CLSTN2: variants seen among roughly 807,000 people sequenced by gnomAD.
The protein encoded by CLSTN2 is calsyntenin-2.
In CLSTN2, 48 loss-of-function variants were observed where a neutral mutation model predicts 101.2. That is an observed-to-expected ratio of 0.47 (90% CI 0.38 to 0.60). The LOEUF is 0.60. Among genes scored for constraint, CLSTN2 ranks in the 20% least tolerant of loss-of-function variants. The pLI is 0.00. For missense variants in CLSTN2, 1,160 were observed against 1,238.2 expected (o/e 0.94, Z 0.95); for synonymous variants, 481 against 463.6 (o/e 1.04, Z -0.48).
intron 2 of CLSTN2, among the ~76,000 whole-genome samples, chr3:140,228,509 C>T (rs1440924704): frequency 6.6e-6 from 1 of 152,206 alleles, no homozygotes; most frequent in Non-Finnish European, 1.5e-5. Context: ...ACTGTTTCAA[C>T]CTCTGCATGT....
At chr3:139,953,728 C>G (rs1167051900) in intron 1 of CLSTN2, among the ~76,000 whole-genome samples, 1 of 152,150 alleles carries the variant, frequency 6.6e-6, no homozygotes, top group Non-Finnish European at 1.5e-5. Flanking sequence ...GATTAAGCTC[C>G]AGTTTTGCCC....
rs1370229338 is a variant in CLSTN2, at chr3:140,240,134, T to TTCTCTCTCTCTCTCTCTCTC, written c.232+64078_232+64079insCTCTCTCTCTCTCTCTCTCT. 1.9e-4 allele frequency among the ~76,000 whole-genome samples: 4 copies of TTCTCTCTCTCTCTCTCTCTC among 20,528 alleles called. 2 individuals are homozygous for TTCTCTCTCTCTCTCTCTCTC. Among genetic ancestry groups the TTCTCTCTCTCTCTCTCTCTC allele is most frequent in the East Asian group, 7.2e-3 (2 of 276 alleles). 13.5% of individuals were successfully genotyped at this position (20,528 alleles called of 152,430 possible). A position where few individuals can be genotyped will look rare whatever the true frequency, so the allele number is the denominator to read the frequency against. On this transcript the variant is annotated intron_variant, in intron 2 of 16. Transcript: ENST00000458420. The stretch of plus-strand genomic sequence containing the variant: ...AAGCTATACCTTAATTGCACCTGGT[T>TTCTCTCTCTCTCTCTCTCTC]TCTCTCTCTCTCTCTCTGTCTCTCT...
chr3:140,512,543 A>G (rs1187768169), intron 8 of CLSTN2, among the ~76,000 whole-genome samples: 2 of 152,170 alleles, frequency 1.3e-5, no homozygotes, highest in African/African-American at 2.4e-5. Flanking sequence ...TTGAAGTCAG[A>G]TAGTGTGATG....
intron 1 of CLSTN2, among the ~76,000 whole-genome samples, chr3:140,075,990 A>T (rs982788683): frequency 6.6e-6 from 1 of 152,158 alleles, no homozygotes; most frequent in Non-Finnish European, 1.5e-5. Flanking sequence ...TGTGCAATAC[A>T]GTATTGTTAA....
At chr3:140,433,433 T>A (rs1206803402) in intron 5 of CLSTN2, among the ~76,000 whole-genome samples, 1 of 152,228 alleles carries the variant, frequency 6.6e-6, no homozygotes, top group Non-Finnish European at 1.5e-5. Context: ...CCCCACATGC[T>A]ACCTCATCTC....
intron 2 of CLSTN2, among the ~76,000 whole-genome samples, chr3:140,219,731 T>G (rs1269570728): frequency 6.6e-6 from 1 of 152,140 alleles, no homozygotes; most frequent in Non-Finnish European, 1.5e-5. Flanking sequence ...CTTAGCAAGG[T>G]AAGTCCCCAA....
intron 2 of CLSTN2, among the ~76,000 whole-genome samples, chr3:140,362,550 C>T (rs748452976): frequency 4.5e-4 from 68 of 152,036 alleles, no homozygotes; most frequent in Non-Finnish European, 7.5e-4. Flanking sequence ...GAGAAAAAAA[C>T]GTACAAATCA....
At chr3:140,215,518 A>C (rs553076691) in intron 2 of CLSTN2, among the ~76,000 whole-genome samples, 1 of 152,340 alleles carries the variant, frequency 6.6e-6, no homozygotes, top group African/African-American at 2.4e-5. Context: ...GTTGGAAATG[A>C]ATGAGAATTC....
chr3:140,519,377 G>C lies in CLSTN2; in HGVS notation c.1345-12947G>C, dbSNP rs1159245275. On this transcript the variant is annotated intron_variant, in intron 8 of 16. Coordinates refer to ENST00000458420, the MANE Select transcript of CLSTN2 (RefSeq NM_022131.3). ...TGGGGTTCAGGTCCTGAATATCTTT[G>C]TTAATTTTCTGTCTCTGTGATCTAA... 2.0e-5 allele frequency among the ~76,000 whole-genome samples: 3 copies of C among 152,154 alleles called. No homozygotes were observed. In the South Asian group the frequency reaches 6.2e-4, roughly 32 times the overall value.
At chr3:140,565,994 T>C in intron 16 of CLSTN2, 59 bp from the exon 17 acceptor site, 1 of 1,605,602 alleles carries the variant, frequency 6.2e-7, no homozygotes, top group African/African-American at 1.3e-5. Flanking sequence ...AGACATAAGC[T>C]CCAAAATGGC....
At chr3:140,163,419 TACACACACACAC>T (rs60464575) in intron 1 of CLSTN2, among the ~76,000 whole-genome samples, 1 of 145,034 alleles carries the variant, frequency 6.9e-6, no homozygotes, top group African/African-American at 2.5e-5. Context: ...TTTCTATCTC[TACACACACACAC>T]ACACACACAC....
At chr3:140,187,379 AC>A (rs1387423051) in intron 2 of CLSTN2, among the ~76,000 whole-genome samples, 1 of 151,596 alleles carries the variant, frequency 6.6e-6, no homozygotes, top group Non-Finnish European at 1.5e-5. Flanking sequence ...ATCCTGACAT[AC>A]CCCTGGATCA....
intron 2 of CLSTN2, among the ~76,000 whole-genome samples, chr3:140,336,182 G>A (rs930314851): frequency 6.6e-6 from 1 of 152,192 alleles, no homozygotes; most frequent in African/African-American, 2.4e-5. Flanking sequence ...ATCAGTACTA[G>A]CTACCATGGA....
intron 1 of CLSTN2, among the ~76,000 whole-genome samples, chr3:139,992,060 A>G (rs1936124211): frequency 6.6e-6 from 1 of 152,180 alleles, no homozygotes; most frequent in Admixed American, 6.5e-5. Context: ...GTTTCCAAAG[A>G]AAAATAGGAT....
At position 140,206,935 on chromosome 3, in the gene CLSTN2, A is replaced by G. The variant is rs2010791928; in HGVS notation, c.232+30862A>G. Among the ~76,000 whole-genome samples the G allele has an allele frequency of 2.0e-5, 3 of 152,328 alleles. No individual in the cohort carries two copies. The South Asian group carries it at 6.2e-4, about 32-fold the overall frequency. The stretch of plus-strand genomic sequence containing the variant: ...GCCTGAGCTGGGAATTCCTATTCCC[A>G]TGAGGGATCAGAACTTGCCCTGGCC... On this transcript the variant is annotated intron_variant, in intron 2 of 16. Transcript: ENST00000458420.
chr3:140,005,000 C>G (rs1037391391), intron 1 of CLSTN2, among the ~76,000 whole-genome samples: 1 of 152,170 alleles, frequency 6.6e-6, no homozygotes. Flanking sequence ...TAGGTGGTCT[C>G]TGTCTCCTAT....
Position 140,520,756 on chromosome 3 carries a change from T to C in CLSTN2, c.1345-11568T>C, listed in dbSNP as rs1365816873. Among the ~76,000 whole-genome samples, 4 of 152,330 alleles carry C rather than the reference T, an allele frequency of 2.6e-5. No homozygotes were observed. In the East Asian group the frequency reaches 7.7e-4, roughly 29 times the overall value. On this transcript the variant is annotated intron_variant, in intron 8 of 16. Transcript: ENST00000458420. Reference sequence around the variant, plus strand: ...CTGGATGATATCCTCAAGTATGTTTTCCAAGTTGGTTCCATTCTCCCCGTC... The same window carrying C: ...CTGGATGATATCCTCAAGTATGTTTCCCAAGTTGGTTCCATTCTCCCCGTC...
At chr3:140,200,830 C>T (rs2010709212) in intron 2 of CLSTN2, among the ~76,000 whole-genome samples, 3 of 152,114 alleles carry the variant, frequency 2.0e-5, no homozygotes, top group Admixed American at 2.0e-4. Flanking sequence ...CTTTTAAACA[C>T]CTGCTCTTTC....
At chr3:140,122,711 G>T (rs1019029899) in intron 1 of CLSTN2, among the ~76,000 whole-genome samples, 1 of 152,166 alleles carries the variant, frequency 6.6e-6, no homozygotes, top group African/African-American at 2.4e-5. Context: ...CCCAAGTGAT[G>T]GGCCTGCCTC....
Sources: gnomAD v4.1 joint callset for allele counts (sites outside exome capture counted in the v4.1 genomes callset) on GRCh38, gnomAD v4.1.1 for gene constraint, MANE v1.5 for transcripts, NCBI Gene and HGNC (gene_info 2026-07-23, HGNC 2026-07-21) for gene names.